Variants in CAPN9 observed in about 807,000 individuals in gnomAD.
CAPN9 encodes calpain 9, also known as calpain-9.
Under a neutral mutation model 92.8 loss-of-function variants are expected in CAPN9, and 81 were observed. The ratio of observed to expected loss-of-function variants is 0.87; its 90% CI spans 0.73 to 1.05. CAPN9 has a LOEUF of 1.05. Among genes scored for constraint, CAPN9 ranks in the 50% least tolerant of loss-of-function variants. CAPN9 has a pLI of 0.00. For missense variants in CAPN9, 848 were observed against 866.2 expected, an observed-to-expected ratio of 0.98 and a Z score of 0.26; for synonymous variants, 304 against 328.0, an observed-to-expected ratio of 0.93 and a Z score of 0.79.
At chr1:230,768,060 T>A (rs1005092971) in intron 5 of CAPN9, among the ~76,000 whole-genome samples, 1 of 82,966 alleles carries the variant, frequency 1.2e-5, no homozygotes, top group Non-Finnish European at 3.2e-5. Context: ...AAATAAAAAA[T>A]AAAATAAAAT....
rs747701433 is a variant in CAPN9, at chr1:230,795,236, C to T, written c.1944C>T (p.Phe648=). 7.4e-6 allele frequency: 12 copies of T among 1,613,294 alleles called. No individual in the cohort carries two copies. In the Admixed American group the frequency reaches 1.2e-4, roughly 16 times the overall value. ...RYADEELQLD[F]DDFLNCLVRL... The stretch of plus-strand genomic sequence containing the variant: ...CGGATGAGGAGCTCCAGCTGGACTT[C>T]GATGACTTCCTCAACTGCCTGGTCC... Residue 648 remains phenylalanine (F), a synonymous_variant, in exon 18 of 20, where the codon TTC becomes TTT. Coordinates refer to ENST00000271971, the MANE Select transcript of CAPN9 (RefSeq NM_006615.3).
chr1:230,780,607 G>A lies in CAPN9; in HGVS notation c.1380G>A (p.Lys460=). The change falls in exon 11 of 20, where the codon AAG becomes AAA. Residue 460 remains lysine, a synonymous_variant. Transcript: ENST00000271971. The part of the protein sequence containing the change: ...INLREVSDRF[K]LPPGEYILIP... Reference sequence around the variant, plus strand: ...TGAGAGAAGTCTCCGACCGGTTCAAGCTGCCCCCTGGGGAGTACATCCTGA... The same window carrying A: ...TGAGAGAAGTCTCCGACCGGTTCAAACTGCCCCCTGGGGAGTACATCCTGA... The A allele has an allele frequency of 1.2e-6, 2 of 1,614,160 alleles. No homozygotes were observed. Among genetic ancestry groups the A allele is most frequent in the East Asian group, 2.2e-5 (1 of 44,880 alleles).
intron 1 of CAPN9, among the ~76,000 whole-genome samples, chr1:230,750,994 G>A (rs900698928): frequency 2.0e-5 from 3 of 152,216 alleles, no homozygotes; most frequent in African/African-American, 7.2e-5. Context: ...CTCCCAGCCT[G>A]ATGGGGAACA....
Position 230,792,454 on chromosome 1 carries a change from A to G in CAPN9, c.1751A>G (p.Asp584Gly). The change falls in exon 16 of 20, where the codon GAT becomes GGT. Residue 584 changes from aspartate (D) to glycine (G), a missense_variant. Physicochemically the swap from Asp to Gly is moderately conservative, Grantham distance 94. Coordinates refer to ENST00000271971, the MANE Select transcript of CAPN9 (RefSeq NM_006615.3). ...DTSGNGKLEF[D>G]EFKVFWDKLK... ...AGCGGCAATGGGAAGCTGGAGTTTG[A>G]TGAATTCAAAGTGTTCTGGGACAAG... 6.2e-7 allele frequency: 1 copy of G among 1,614,024 alleles called. No individual in the cohort carries two copies.
chr1:230,785,321 C>T (rs750375540), intron 11 of CAPN9, among the ~76,000 whole-genome samples: 2 of 152,068 alleles, frequency 1.3e-5, no homozygotes, highest in African/African-American at 2.4e-5. Flanking sequence ...TTATATTTTG[C>T]AGTGTGAGAA....
At chr1:230,766,493 G>A (rs965413884) in intron 4 of CAPN9, among the ~76,000 whole-genome samples, 1 of 152,114 alleles carries the variant, frequency 6.6e-6, no homozygotes, top group Non-Finnish European at 1.5e-5. Flanking sequence ...CCTGCAGTAT[G>A]CCTGCCCAGG....
intron 1 of CAPN9, among the ~76,000 whole-genome samples, chr1:230,751,651 GAAAGAAAGAAAGAAAGAA>G (rs1664832729): frequency 6.0e-5 from 6 of 100,452 alleles, no homozygotes; most frequent in South Asian, 3.0e-4. Context: ...AAGAAAGAAA[GAAAGAAAGAAAGAAAGAA>G]AGAAAGAAAG....
At chr1:230,778,821 T>A in intron 8 of CAPN9, 152 bp from the exon 9 acceptor site, 1 of 617,168 alleles carries the variant, frequency 1.6e-6, no homozygotes. Flanking sequence ...TTTTAAAAAA[T>A]TTTCCATCTC....
At chr1:230,791,262 C>T (rs1223776091) in intron 14 of CAPN9, among the ~76,000 whole-genome samples, 1 of 152,164 alleles carries the variant, frequency 6.6e-6, no homozygotes, top group Non-Finnish European at 1.5e-5. Context: ...GGTTCCATCA[C>T]AATGCAACAG....
intron 5 of CAPN9, among the ~76,000 whole-genome samples, chr1:230,768,392 G>T (rs1478837494): frequency 3.9e-5 from 6 of 152,056 alleles, no homozygotes; most frequent in Non-Finnish European, 8.8e-5. Flanking sequence ...CTGTTCTCCA[G>T]CTCCACCCTG....
intron 6 of CAPN9, among the ~76,000 whole-genome samples, chr1:230,770,008 G>T (rs1227264190): frequency 6.6e-6 from 1 of 152,132 alleles, no homozygotes; most frequent in Non-Finnish European, 1.5e-5. Flanking sequence ...TCAATGGTAG[G>T]CTATTCGGAG....
intron 1 of CAPN9, among the ~76,000 whole-genome samples, chr1:230,754,075 TG>T (rs75822664): frequency 0.42 from 62,275 of 147,244 alleles, 12,943 homozygotes; most frequent in Non-Finnish European, 0.45. Context: ...GCAGGCACAG[TG>T]GGCGCCGTGG....
At chr1:230,786,756 A>ACTAT (rs10672657) in intron 12 of CAPN9, among the ~76,000 whole-genome samples, 31,974 of 152,060 alleles carry the variant, frequency 0.21, 3,555 homozygotes, top group African/African-American at 0.28. Flanking sequence ...AAGTGGGTAG[A>ACTAT]CTTTTAATTG....
At chr1:230,755,521 C>A in intron 2 of CAPN9, 115 bp downstream of exon 2, 3 of 701,532 alleles carry the variant, frequency 4.3e-6, no homozygotes, top group South Asian at 4.0e-5. Flanking sequence ...GGGAACAACA[C>A]TGCTTCGGCC....
chr1:230,752,902 C>T (rs531973206), intron 1 of CAPN9, among the ~76,000 whole-genome samples: 1 of 152,262 alleles, frequency 6.6e-6, no homozygotes, highest in East Asian at 1.9e-4. Context: ...AGTTAAATGG[C>T]CCACCCTGAA....
intron 19 of CAPN9, among the ~76,000 whole-genome samples, chr1:230,799,778 G>A (rs28359744): frequency 1.3e-3 from 197 of 152,324 alleles, no homozygotes; most frequent in African/African-American, 4.6e-3. Flanking sequence ...TGCACCTGCA[G>A]TCCCAGCTAT....
chr1:230,754,929 A>G (rs954773407), intron 1 of CAPN9, among the ~76,000 whole-genome samples: 26 of 152,324 alleles, frequency 1.7e-4, no homozygotes, highest in African/African-American at 5.5e-4. Context: ...CCTGTGGTAC[A>G]TGCATTACTC....
At chr1:230,764,339 T>G (rs1369047070) in intron 4 of CAPN9, among the ~76,000 whole-genome samples, 3 of 152,258 alleles carry the variant, frequency 2.0e-5, no homozygotes, top group Non-Finnish European at 4.4e-5. Flanking sequence ...GACATCCATA[T>G]TCCCCTGCTC....
intron 13 of CAPN9, 99 bp downstream of exon 13, chr1:230,787,701 C>A: frequency 1.0e-6 from 1 of 976,138 alleles, no homozygotes; most frequent in Non-Finnish European, 1.6e-6. Flanking sequence ...CAACGTCATC[C>A]TGAGGCATGA....
Sources: gnomAD v4.1 joint callset for allele counts (sites outside exome capture counted in the v4.1 genomes callset) on GRCh38, gnomAD v4.1.1 for gene constraint, MANE v1.5 for transcripts, NCBI Gene and HGNC (gene_info 2026-07-23, HGNC 2026-07-21) for gene names.